The following CNTN5 variants were observed in gnomAD, a reference collection of about 807,000 sequenced individuals.
CNTN5 encodes the protein contactin 5, also known as contactin-5.
Under a neutral mutation model 129.1 loss-of-function variants are expected in CNTN5, and 77 were observed. The ratio of observed to expected loss-of-function variants is 0.60; its 90% CI spans 0.50 to 0.72. The LOEUF (loss-of-function observed/expected upper bound fraction) is 0.72. CNTN5 is among the 30% of genes least tolerant of loss of function. CNTN5 has a pLI of 0.00. For missense variants in CNTN5, 1,478 were observed against 1,328.8 expected, an observed-to-expected ratio of 1.11 and a Z score of -1.75; for synonymous variants, 509 against 465.6, an observed-to-expected ratio of 1.09 and a Z score of -1.20.
chr11:100,010,553 A>G (rs1940466750), intron 9 of CNTN5, among the ~76,000 whole-genome samples: 1 of 152,082 alleles, frequency 6.6e-6, no homozygotes, highest in African/African-American at 2.4e-5. Context: ...GAAATAAACA[A>G]CGATGGTGTT....
At position 100,295,440 on chromosome 11, in the gene CNTN5, G is replaced by GT. The variant is rs988013551; in HGVS notation, c.2315-2176dup. Among the ~76,000 whole-genome samples the GT allele has an allele frequency of 1.7e-4, 26 of 149,746 alleles. No individual in the cohort carries two copies. In the East Asian group the frequency reaches 2.8e-3, roughly 16 times the overall value. ...GAAATTTTCCCCAAAATGTTCACTT[G>GT]TTTTTTTTTAATTTTTTACTCACAA... On this transcript the variant is annotated intron_variant, in intron 18 of 24. Coordinates refer to ENST00000524871, the MANE Select transcript of CNTN5 (RefSeq NM_014361.4).
intron 13 of CNTN5, among the ~76,000 whole-genome samples, chr11:100,187,411 G>GTTT (rs33944692): frequency 1.3e-5 from 2 of 148,494 alleles, no homozygotes. Flanking sequence ...GCTGCCAACG[G>GTTT]TTTTTTTTTT....
intron 3 of CNTN5, among the ~76,000 whole-genome samples, chr11:99,637,052 C>A (rs1951589846): frequency 9.3e-6 from 1 of 107,206 alleles, no homozygotes; most frequent in Non-Finnish European, 2.0e-5. Context: ...GTAAATGACT[C>A]TGTATTGCAG....
intron 21 of CNTN5, among the ~76,000 whole-genome samples, chr11:100,325,915 G>A (rs1192012304): frequency 6.6e-6 from 1 of 152,180 alleles, no homozygotes; most frequent in Non-Finnish European, 1.5e-5. Flanking sequence ...TGAATGATTA[G>A]CTTTAGTATG....
chr11:99,768,561 T>G (rs1444447045), intron 3 of CNTN5, among the ~76,000 whole-genome samples: 1 of 152,174 alleles, frequency 6.6e-6, no homozygotes, highest in African/African-American at 2.4e-5. Flanking sequence ...TTAACTTTCA[T>G]GACATTTCCA....
intron 1 of CNTN5, among the ~76,000 whole-genome samples, chr11:99,166,763 T>G (rs2135528757): frequency 6.6e-6 from 1 of 152,018 alleles, no homozygotes; most frequent in South Asian, 2.1e-4. Flanking sequence ...CTTTTTCTTT[T>G]TTTTTTTGGT....
intron 13 of CNTN5, among the ~76,000 whole-genome samples, chr11:100,090,116 CAATA>C (rs1192823611): frequency 6.6e-6 from 1 of 152,056 alleles, no homozygotes; most frequent in Non-Finnish European, 1.5e-5. Flanking sequence ...ATGATCTTCT[CAATA>C]GATAGAGAAA....
intron 13 of CNTN5, among the ~76,000 whole-genome samples, chr11:100,144,826 A>G (rs1027501657): frequency 5.9e-5 from 9 of 151,812 alleles, no homozygotes; most frequent in Non-Finnish European, 1.0e-4. Flanking sequence ...CTTGGTTATA[A>G]TGTTAAAAAA....
rs1345118974 is a variant in CNTN5 at position 99,444,917 on chromosome 11, A to G, written c.-70-111228A>G. ...TAATACAGTTTTTGTTTTAAATTTTATGTATGTGCCTGAATACTCATATGA... is the reference window on the plus strand; with the variant it reads ...TAATACAGTTTTTGTTTTAAATTTTGTGTATGTGCCTGAATACTCATATGA... On this transcript the variant is annotated intron_variant, in intron 2 of 24. Transcript: ENST00000524871. 2.6e-5 allele frequency among the ~76,000 whole-genome samples: 4 copies of G among 151,646 alleles called. No homozygotes were observed. The East Asian group carries it at 7.7e-4, about 29-fold the overall frequency.
rs201156064 is a variant in CNTN5 at position 100,350,772 on chromosome 11, C to T, written c.3101C>T (p.Pro1034Leu). The change falls in exon 24 of 25, where the codon CCA becomes CTA. Residue 1034 changes from proline to leucine, a missense_variant. Physicochemically the swap from Pro to Leu is moderately conservative, Grantham distance 98. Transcript: ENST00000524871. The stretch of plus-strand genomic sequence containing the variant: ...ACACAGAAACTTCAAGCAGTAGTAC[C>T]ACTCCCAGATGCTGGAGTCTATATT... ...IETQKLQAVVPLPDAGVYIIE... is the reference protein window; with the variant it reads ...IETQKLQAVVLLPDAGVYIIE... The T allele has an allele frequency of 4.4e-6, 7 of 1,608,708 alleles. No individual in the cohort carries two copies. The highest frequency in any genetic ancestry group is 1.7e-5 in the Admixed American group (1 of 59,558).
chr11:100,038,268 T>C (rs1288826925), intron 9 of CNTN5, among the ~76,000 whole-genome samples: 1 of 152,198 alleles, frequency 6.6e-6, no homozygotes, highest in Non-Finnish European at 1.5e-5. Flanking sequence ...TTCCATGTAG[T>C]TGAGCGGTTT....
chr11:99,192,161 A>G (rs533773376), intron 1 of CNTN5, among the ~76,000 whole-genome samples: 1 of 151,796 alleles, frequency 6.6e-6, no homozygotes, highest in African/African-American at 2.4e-5. Flanking sequence ...TAACAAAAGA[A>G]AGAAGACAAA....
chr11:100,356,191 G>C lies in CNTN5; in HGVS notation c.3274G>C (p.Ala1092Pro). 1 of 1,609,612 alleles carries C rather than the reference G, an allele frequency of 6.2e-7. No individual in the cohort carries two copies. The highest frequency in any genetic ancestry group is 8.5e-7 in the Non-Finnish European group (1 of 1,177,550). Residue 1092 changes from alanine to proline, a missense_variant, in exon 25 of 25, where the codon GCA becomes CCA. Physicochemically the swap from Ala to Pro is conservative, Grantham distance 27. Transcript: ENST00000524871. ...TTCGTCATCAGTCACCTTGCTCTTGGCATTGATGATTCCTTCAACTTCCTG... is the reference window on the plus strand; with the variant it reads ...TTCGTCATCAGTCACCTTGCTCTTGCCATTGATGATTCCTTCAACTTCCTG... The part of the protein sequence containing the change: ...TSSSSVTLLL[A>P]LMIPSTSW
At chr11:99,854,843 A>G (rs1280010189) in intron 6 of CNTN5, among the ~76,000 whole-genome samples, 1 of 152,234 alleles carries the variant, frequency 6.6e-6, no homozygotes, top group Non-Finnish European at 1.5e-5. Context: ...AAAAGACAAC[A>G]GACCTAAACT....
chr11:99,085,806 T>A (rs566399496), intron 1 of CNTN5, among the ~76,000 whole-genome samples: 2 of 152,320 alleles, frequency 1.3e-5, no homozygotes, highest in Non-Finnish European at 2.9e-5. Flanking sequence ...GGTGGTCCCA[T>A]AAAATTCTAG....
intron 2 of CNTN5, among the ~76,000 whole-genome samples, chr11:99,353,680 G>A (rs1328444924): frequency 6.6e-6 from 1 of 152,144 alleles, no homozygotes; most frequent in Admixed American, 6.6e-5. Context: ...CACTAATGAG[G>A]ATAGCCAGGA....
At chr11:99,658,226 G>A (rs76168033) in intron 3 of CNTN5, among the ~76,000 whole-genome samples, 2,418 of 152,186 alleles carry the variant, frequency 0.016, 63 homozygotes, top group African/African-American at 0.054. Context: ...CAGCTAGTGT[G>A]CCAATTTATG....
chr11:99,158,082 A>G (rs1282873672), intron 1 of CNTN5, among the ~76,000 whole-genome samples: 4 of 152,190 alleles, frequency 2.6e-5, no homozygotes, highest in Admixed American at 2.6e-4. Context: ...TAGGCACGGA[A>G]TTGAACCAAT....
At position 100,002,145 on chromosome 11, in the gene CNTN5, A is replaced by C; in HGVS notation, c.980+9A>C. On this transcript the variant is annotated intron_variant, in intron 9 of 24. Coordinates refer to ENST00000524871, the MANE Select transcript of CNTN5 (RefSeq NM_014361.4). ...TGCTTTGCACTTGGCAAGTAAGTAC[A>C]TGTTCTTCCATAATTAAACACAATT... The C allele has an allele frequency of 6.7e-7, 1 of 1,481,874 alleles. No individual in the cohort carries two copies. Among genetic ancestry groups the C allele is most frequent in the African/African-American group, 1.4e-5 (1 of 69,314 alleles). The allele number at this position is 1,481,874 out of a possible 1,614,324, so 91.8% of individuals were successfully genotyped here. A position where few individuals can be genotyped will look rare whatever the true frequency, so the allele number is the denominator to read the frequency against.
Sources: gnomAD v4.1 joint callset for allele counts (sites outside exome capture counted in the v4.1 genomes callset) on GRCh38, gnomAD v4.1.1 for gene constraint, MANE v1.5 for transcripts, NCBI Gene and HGNC (gene_info 2026-07-23, HGNC 2026-07-21) for gene names.